SH3TC2: variants seen among roughly 807,000 people sequenced by gnomAD.
SH3TC2 encodes the protein SH3 domain and tetratricopeptide repeats 2.
Under a neutral mutation model 124.5 loss-of-function variants are expected in SH3TC2, and 87 were observed. The observed-to-expected ratio is 0.70, with a 90% confidence interval of 0.59 to 0.84. The LOEUF (loss-of-function observed/expected upper bound fraction) is 0.84, where lower values mean the gene tolerates loss of function less well. Ranked by LOEUF, SH3TC2 falls within the 40% of genes least tolerant of loss-of-function variation. SH3TC2 has a pLI of 0.00. For synonymous variants in SH3TC2, 634 were observed against 628.5 expected (o/e 1.01, Z -0.13); for missense variants, 1,536 against 1,566.4 (o/e 0.98, Z 0.33).
At chr5:149,005,469 C>A (rs1753671595) in intron 16 of SH3TC2, among the ~76,000 whole-genome samples, 1 of 152,170 alleles carries the variant, frequency 6.6e-6, no homozygotes, top group Non-Finnish European at 1.5e-5. Flanking sequence ...ATTCTTTGAG[C>A]CAGTAAGTTG....
Position 149,004,799 on chromosome 5 carries a change from A to G in SH3TC2, c.3779T>C (p.Ile1260Thr). ...QDTIRSRLDN[I>T]CQSPLWHSRP... ...GCTGTGCCACAGGGGGCTCTGGCAG[A>G]TGTTGTCCAGCCTGCTCCTAATGGT... The change falls in exon 17 of 17, where the codon ATC (isoleucine) becomes ACC (threonine). Residue 1260 changes from isoleucine to threonine, a missense_variant. By Grantham distance (89) the Ile-to-Thr change is moderately conservative. Transcript: ENST00000515425. 1 of 1,614,118 alleles carries G rather than the reference A, an allele frequency of 6.2e-7. No homozygotes were observed. The highest frequency in any genetic ancestry group is 8.5e-7 in the Non-Finnish European group (1 of 1,180,030).
chr5:149,018,469 A>G (rs1753911874), intron 12 of SH3TC2, among the ~76,000 whole-genome samples: 1 of 152,210 alleles, frequency 6.6e-6, no homozygotes, highest in Non-Finnish European at 1.5e-5. Context: ...TCATGGCAGA[A>G]GGTGAAAAGC....
rs1753353731 is a variant in SH3TC2, at chr5:148,987,665, AC to A, written c.*17045del. ...GGAATGACTACAGAAACAAAGGGAA[AC>A]CTTATAACGAGTGTGGTGGAGTGAT... On this transcript the variant is annotated 3_prime_UTR_variant, in exon 17 of 17. Transcript: ENST00000515425. Among the ~76,000 whole-genome samples the A allele has an allele frequency of 6.6e-6, 1 of 152,168 alleles. No homozygotes were observed. The highest frequency in any genetic ancestry group is 6.5e-5 in the Admixed American group (1 of 15,284).
At position 149,004,605 on chromosome 5, in the gene SH3TC2, G is replaced by A. The variant is rs1012926119; in HGVS notation, c.*106C>T. On this transcript the variant is annotated 3_prime_UTR_variant, in exon 17 of 17. Coordinates refer to ENST00000515425, the MANE Select transcript of SH3TC2 (RefSeq NM_024577.4). ...ATTCTTCTTCTTGTGAAATGAGGGG[G>A]CTAGGCCAGGTAAGGACTCGGACCC... 1.7e-6 allele frequency: 2 copies of A among 1,181,850 alleles called. No individual in the cohort carries two copies. Among genetic ancestry groups the A allele is most frequent in the African/African-American group, 3.1e-5 (2 of 65,282 alleles). The allele number at this position is 1,181,850 out of a possible 1,614,324, so 73.2% of individuals were successfully genotyped here.
chr5:149,041,551 G>GAAGGGGAT lies in SH3TC2; in HGVS notation c.595_596insATCCCCTT (p.Thr199AsnfsTer10). 1 of 1,614,246 alleles carries GAAGGGGAT rather than the reference G, an allele frequency of 6.2e-7. No homozygotes were observed. The highest frequency in any genetic ancestry group is 1.1e-5 in the South Asian group (1 of 91,074). On this transcript the variant is annotated frameshift_variant, in exon 6 of 17. Coordinates refer to ENST00000515425, the MANE Select transcript of SH3TC2 (RefSeq NM_024577.4). LOFTEE classifies it high-confidence loss of function. Reference sequence around the variant, plus strand: ...TGAGATTAACTCATTCTTGCAAAGTGTCAAGCATTCCCCTTCCTTCTCGGC... The same window carrying GAAGGGGAT: ...TGAGATTAACTCATTCTTGCAAAGTGAAGGGGATTCAAGCATTCCCCTTCCTTCTCGGC...
chr5:149,008,755 A>G, intron 15 of SH3TC2, 96 bp downstream of exon 15: 1 of 1,554,038 alleles, frequency 6.4e-7, no homozygotes, highest in East Asian at 2.2e-5. Context: ...GAACCCACAC[A>G]GTCTGACTCC....
At chr5:149,022,006 C>T (rs1753982451) in intron 12 of SH3TC2, among the ~76,000 whole-genome samples, 2 of 37,210 alleles carry the variant, frequency 5.4e-5, no homozygotes, top group African/African-American at 2.9e-4. Context: ...CTCCGCCTCC[C>T]GGGTTCACGC....
intron 1 of SH3TC2, chr5:149,057,574 A>T (rs1434262522): frequency 6.6e-6 from 1 of 152,206 alleles, no homozygotes; most frequent in Non-Finnish European, 1.5e-5. Context: ...AACACTTCAC[A>T]AATTTGCATG....
rs1312289170 is a variant in SH3TC2, at chr5:148,990,718, T to G, written c.*13993A>C. 6.6e-6 allele frequency among the ~76,000 whole-genome samples: 1 copy of G among 152,212 alleles called. No individual in the cohort carries two copies. On this transcript the variant is annotated 3_prime_UTR_variant, in exon 17 of 17. Transcript: ENST00000515425. ...CATTCAAAGAATTTAATCCAATGCTTTATACACCATAAATGCTCAGTAAAC... is the reference window on the plus strand; with the variant it reads ...CATTCAAAGAATTTAATCCAATGCTGTATACACCATAAATGCTCAGTAAAC...
chr5:149,011,476 A>C lies in SH3TC2; in HGVS notation c.3205-1084T>G, dbSNP rs185874613. On this transcript the variant is annotated intron_variant, in intron 13 of 16. Transcript: ENST00000515425. Reference sequence around the variant, plus strand: ...CAAGGCAGATGGCGTAGAGGCTGAGAGTGAAGGCTCTAAGTCACACTGTGT... The same window carrying C: ...CAAGGCAGATGGCGTAGAGGCTGAGCGTGAAGGCTCTAAGTCACACTGTGT... 3.9e-5 allele frequency among the ~76,000 whole-genome samples: 6 copies of C among 152,352 alleles called. No individual in the cohort carries two copies. In the East Asian group the frequency reaches 9.6e-4, roughly 24 times the overall value.
intron 1 of SH3TC2, among the ~76,000 whole-genome samples, chr5:149,061,080 T>G (rs1290639409): frequency 6.6e-6 from 1 of 152,112 alleles, no homozygotes. Context: ...GGGAATGGCA[T>G]GAAAAGTCTC....
chr5:149,026,547 A>C (rs1754065831), intron 12 of SH3TC2, 25 bp downstream of exon 12: 2 of 1,612,892 alleles, frequency 1.2e-6, no homozygotes, highest in East Asian at 2.2e-5. Flanking sequence ...AGCTGCTTCT[A>C]GGACAGTTCC....
rs2127390352 is a variant in SH3TC2 at position 149,000,876 on chromosome 5, T to C, written c.*3835A>G. Among the ~76,000 whole-genome samples the C allele has an allele frequency of 6.6e-6, 1 of 152,306 alleles. No homozygotes were observed. The highest frequency in any genetic ancestry group is 6.5e-5 in the Admixed American group (1 of 15,304). ...CTATAAAAATATATTATTTCATCTC[T>C]CCAATACTATTTCTCATCCTATTCA... is the stretch of plus-strand genomic sequence containing the variant. On this transcript the variant is annotated 3_prime_UTR_variant, in exon 17 of 17. Coordinates refer to ENST00000515425, the MANE Select transcript of SH3TC2 (RefSeq NM_024577.4).
rs1561769842 is a variant in SH3TC2, at chr5:149,041,570, T to C, written c.577A>G (p.Lys193Glu). Residue 193 changes from lysine to glutamate, a missense_variant, in exon 6 of 17, where the codon AAG becomes GAG. This residue lies in a region of SH3TC2 where 1,102 missense variants were observed against 1,098.6 expected (regional missense o/e 1.00). Transcript: ENST00000515425. ...ALCSVTPPAE[K>E]EGECLTLCKN... ...CAAAGTGTCAAGCATTCCCCTTCCTTCTCGGCTGGTGGAGTCACGGAGCAC... is the reference window on the plus strand; with the variant it reads ...CAAAGTGTCAAGCATTCCCCTTCCTCCTCGGCTGGTGGAGTCACGGAGCAC... The C allele has an allele frequency of 6.2e-6, 10 of 1,613,974 alleles. No homozygotes were observed. Among genetic ancestry groups the C allele is most frequent in the Non-Finnish European group, 8.5e-6 (10 of 1,180,020 alleles).
chr5:149,040,907 C>T (rs1002747720), intron 6 of SH3TC2, among the ~76,000 whole-genome samples: 1 of 152,196 alleles, frequency 6.6e-6, no homozygotes, highest in African/African-American at 2.4e-5. Context: ...AGTTAAATAA[C>T]TAACAAACAA....
intron 9 of SH3TC2, 128 bp from the exon 10 acceptor site, chr5:149,028,846 G>T: frequency 1.1e-6 from 1 of 912,530 alleles, no homozygotes; most frequent in Non-Finnish European, 1.8e-6. Flanking sequence ...TCATCATTAA[G>T]GAACAGGGCA....
intron 1 of SH3TC2, among the ~76,000 whole-genome samples, chr5:149,055,206 C>T (rs866542899): frequency 1.3e-5 from 2 of 151,976 alleles, no homozygotes; most frequent in African/African-American, 2.4e-5. Flanking sequence ...TTCTATTAAT[C>T]AAAAGATGCA....
At chr5:149,048,951 G>T (rs548588884) in intron 2 of SH3TC2, among the ~76,000 whole-genome samples, 2 of 152,196 alleles carry the variant, frequency 1.3e-5, no homozygotes, top group South Asian at 4.1e-4. Flanking sequence ...CTGAGAAGGC[G>T]TTGGAATGGA....
At chr5:149,056,343 T>G (rs1754647357) in intron 1 of SH3TC2, among the ~76,000 whole-genome samples, 1 of 152,190 alleles carries the variant, frequency 6.6e-6, no homozygotes, top group South Asian at 2.1e-4. Flanking sequence ...AGCTCCCACT[T>G]ATAAGTGAGA....
Sources: gnomAD v4.1 joint callset for allele counts (sites outside exome capture counted in the v4.1 genomes callset) on GRCh38, gnomAD v4.1.1 for gene constraint, gnomAD v4.1.1 regional missense constraint, MANE v1.5 for transcripts, NCBI Gene and HGNC (gene_info 2026-07-23, HGNC 2026-07-21) for gene names.